TENM2: variants seen among roughly 807,000 people sequenced by gnomAD.
TENM2 encodes teneurin transmembrane protein 2.
Under a neutral mutation model 245.2 loss-of-function variants are expected in TENM2, and 52 were observed. The ratio of observed to expected loss-of-function variants is 0.21; its 90% CI spans 0.17 to 0.27. The LOEUF is 0.27. Among genes scored for constraint, TENM2 ranks in the 10% least tolerant of loss-of-function variants. The probability of loss-of-function intolerance (pLI) is 1.00; values close to 1 mark genes in which losing one functional copy is unlikely to be tolerated. For synonymous variants in TENM2, 1,363 were observed against 1,438.9 expected, an observed-to-expected ratio of 0.95 and a Z score of 1.19; for missense variants, 3,046 against 3,666.8, an observed-to-expected ratio of 0.83 and a Z score of 4.37.
At chr5:167,129,244 G>A in the TENM2 span, among the ~76,000 whole-genome samples, 16 of 152,246 alleles carry the variant, frequency 1.1e-4, no homozygotes, top group African/African-American at 3.4e-4. Context: ...GCTGGAGGCC[G>A]GGCAGACTGG....
chr5:167,896,035 C>T (rs995979323), intron 3 of TENM2, among the ~76,000 whole-genome samples: 1 of 152,200 alleles, frequency 6.6e-6, no homozygotes, highest in Non-Finnish European at 1.5e-5. Context: ...GTGGATGAAG[C>T]TTTAAGAAGA....
At chr5:167,292,494 C>T (rs1754694496) in intron 1 of TENM2, among the ~76,000 whole-genome samples, 1 of 152,192 alleles carries the variant, frequency 6.6e-6, no homozygotes, top group African/African-American at 2.4e-5. Flanking sequence ...TCCAATATTT[C>T]AACACTGGAC....
chr5:168,031,859 G>A (rs543750835), intron 5 of TENM2, among the ~76,000 whole-genome samples: 158 of 152,196 alleles, frequency 1.0e-3, no homozygotes, highest in Admixed American at 2.7e-3. Flanking sequence ...CTTTCCCAAA[G>A]CCTCACAGCT....
the TENM2 span, among the ~76,000 whole-genome samples, chr5:167,123,903 T>G: frequency 6.6e-6 from 1 of 152,246 alleles, no homozygotes; most frequent in South Asian, 2.1e-4. Flanking sequence ...ACATTTTCAA[T>G]TTTTATGAAA....
At chr5:167,750,008 G>C (rs750860149) in intron 2 of TENM2, among the ~76,000 whole-genome samples, 19 of 152,056 alleles carry the variant, frequency 1.2e-4, no homozygotes, top group Non-Finnish European at 2.5e-4. Context: ...AGGTGTATTA[G>C]ACTTTGTCAA....
chr5:168,101,051 A>C (rs115880863), intron 9 of TENM2, among the ~76,000 whole-genome samples: 1 of 152,116 alleles, frequency 6.6e-6, no homozygotes, highest in Non-Finnish European at 1.5e-5. Flanking sequence ...CAGGGGGCAC[A>C]TCAGCAAAGT....
chr5:168,157,493 G>C (rs1391879592), intron 12 of TENM2, among the ~76,000 whole-genome samples: 1 of 152,112 alleles, frequency 6.6e-6, no homozygotes. Flanking sequence ...GGGTGGCTGG[G>C]GTTAATGTGG....
chr5:168,012,673 C>T (rs1422207776), intron 5 of TENM2, among the ~76,000 whole-genome samples: 2 of 135,728 alleles, frequency 1.5e-5, no homozygotes, highest in Non-Finnish European at 3.1e-5. Context: ...AAAAAAAAAA[C>T]TGAAGGTGAG....
chr5:168,038,230 C>T (rs1395870873), intron 5 of TENM2, among the ~76,000 whole-genome samples: 3 of 152,196 alleles, frequency 2.0e-5, no homozygotes, highest in African/African-American at 7.2e-5. Context: ...CAGAGCCTGG[C>T]ACATGCAAAG....
the TENM2 span, among the ~76,000 whole-genome samples, chr5:167,190,816 T>C: frequency 6.6e-6 from 1 of 152,132 alleles, no homozygotes; most frequent in Non-Finnish European, 1.5e-5. Flanking sequence ...TGAAAGTTGC[T>C]AACGAAACAG....
At chr5:167,276,476 A>G in the TENM2 span, among the ~76,000 whole-genome samples, 1 of 151,836 alleles carries the variant, frequency 6.6e-6, no homozygotes, top group Non-Finnish European at 1.5e-5. Context: ...TTAATATTTC[A>G]TATGAGATGA....
chr5:168,255,055 A>AG (rs1767526976), intron 27 of TENM2, among the ~76,000 whole-genome samples: 2 of 151,932 alleles, frequency 1.3e-5, no homozygotes. Context: ...TCAAAAAAAA[A>AG]AAAGAAAGAA....
At chr5:167,851,406 A>T (rs769657519) in intron 2 of TENM2, among the ~76,000 whole-genome samples, 1 of 152,196 alleles carries the variant, frequency 6.6e-6, no homozygotes, top group Non-Finnish European at 1.5e-5. Context: ...CATAATCACC[A>T]AGGATTTTAA....
chr5:167,617,687 T>G (rs546525830), intron 2 of TENM2, among the ~76,000 whole-genome samples: 1 of 152,168 alleles, frequency 6.6e-6, no homozygotes, highest in Non-Finnish European at 1.5e-5. Context: ...GTTTGAACAG[T>G]CTTTGTAGCC....
At chr5:168,002,188 T>G (rs1381800141) in intron 5 of TENM2, among the ~76,000 whole-genome samples, 1 of 152,248 alleles carries the variant, frequency 6.6e-6, no homozygotes, top group African/African-American at 2.4e-5. Context: ...TCTTTCATCA[T>G]GACTTTCTTT....
intron 2 of TENM2, among the ~76,000 whole-genome samples, chr5:167,875,512 C>G (rs75681774): frequency 6.6e-6 from 1 of 152,122 alleles, no homozygotes; most frequent in Non-Finnish European, 1.5e-5. Flanking sequence ...ATTGGGAAGT[C>G]ACTGGAGTGT....
chr5:167,682,560 C>A (rs1254623067), intron 2 of TENM2, among the ~76,000 whole-genome samples: 1 of 152,090 alleles, frequency 6.6e-6, no homozygotes, highest in African/African-American at 2.4e-5. Context: ...AAAAATTATT[C>A]TTCTTGGATT....
chr5:167,896,206 A>G (rs1435264507), intron 3 of TENM2, among the ~76,000 whole-genome samples: 4 of 152,224 alleles, frequency 2.6e-5, no homozygotes, highest in Admixed American at 2.6e-4. Flanking sequence ...CCTAATCATG[A>G]TCAGTAGTCA....
chr5:167,190,139 C>T, the TENM2 span, among the ~76,000 whole-genome samples: 1 of 152,028 alleles, frequency 6.6e-6, no homozygotes, highest in East Asian at 1.9e-4. Context: ...AGGTAAGTCT[C>T]AGATCTTGGA....
Sources: gnomAD v4.1 joint callset for allele counts (sites outside exome capture counted in the v4.1 genomes callset) on GRCh38, gnomAD v4.1.1 for gene constraint, MANE v1.5 for transcripts, NCBI Gene and HGNC (gene_info 2026-07-23, HGNC 2026-07-21) for gene names.